MALT1: variants seen among roughly 807,000 people sequenced by gnomAD.
MALT1 encodes the protein mucosa-associated lymphoid tissue lymphoma translocation protein 1.
Under a neutral mutation model 85.5 loss-of-function variants are expected in MALT1, and 36 were observed. That is an observed-to-expected ratio of 0.42 (90% confidence interval 0.32 to 0.56). The LOEUF (loss-of-function observed/expected upper bound fraction) is 0.56, where lower values mean the gene tolerates loss of function less well. Ranked by LOEUF, MALT1 falls within the 20% of genes least tolerant of loss-of-function variation. The probability of loss-of-function intolerance (pLI) is 0.10; values close to 1 mark genes in which losing one functional copy is unlikely to be tolerated. For missense variants in MALT1, 716 were observed against 981.6 expected (o/e 0.73, Z 3.62); for synonymous variants, 359 against 361.3 (o/e 0.99, Z 0.07).
intron 15 of MALT1, 150 bp from the exon 16 acceptor site, chr18:58,745,516 T>G: frequency 1.7e-6 from 1 of 603,370 alleles, no homozygotes; most frequent in Non-Finnish European, 2.9e-6. Context: ...GTTTTCATTG[T>G]TTAGTCCTGG....
Position 58,747,682 on chromosome 18 carries a change from C to T in MALT1, c.2315C>T (p.Thr772Ile). Reference protein sequence around the residue: ...HSHPGNPSNVTPADSCHCSRT... With the variant: ...HSHPGNPSNVIPADSCHCSRT... ...CATCCTGGTAATCCAAGTAATGTTA[C>T]ACCAGCAGATAGCTGTCATTGCAGC... Residue 772 changes from threonine (T) to isoleucine (I), a missense_variant, in exon 17 of 17, where the codon ACA becomes ATA. This residue lies in a region of MALT1 where 260 missense variants were observed against 323.7 expected (regional missense o/e 0.80). Transcript: ENST00000649217. The T allele has an allele frequency of 6.2e-7, 1 of 1,614,208 alleles. No homozygotes were observed. Among genetic ancestry groups the T allele is most frequent in the South Asian group, 1.1e-5 (1 of 91,082 alleles).
rs2055466175 is a variant in MALT1, at chr18:58,752,907, A to G, written c.*5065A>G. 6.6e-6 allele frequency: 1 copy of G among 152,180 alleles called. No homozygotes were observed. The highest frequency in any genetic ancestry group is 1.5e-5 in the Non-Finnish European group (1 of 68,032). The allele number at this position is 152,180 out of a possible 1,614,324, so 9.4% of individuals were successfully genotyped here. On this transcript the variant is annotated 3_prime_UTR_variant, in exon 17 of 17. Transcript: ENST00000649217. ...TAGCATTAAAAATACTTAAGCATCA[A>G]AGTTTGGCTTTATGAAGAAGGAGTC...
intron 4 of MALT1, among the ~76,000 whole-genome samples, chr18:58,704,989 T>G (rs2054725258): frequency 6.8e-6 from 1 of 147,156 alleles, no homozygotes; most frequent in Admixed American, 6.7e-5. Context: ...CTTTTGATCC[T>G]CCTTTCCTGA....
chr18:58,734,646 C>A, intron 12 of MALT1: 1 of 350,310 alleles, frequency 2.9e-6, no homozygotes, highest in Non-Finnish European at 5.2e-6. Flanking sequence ...GACATGTAGG[C>A]ATAAATTTAC....
intron 2 of MALT1, among the ~76,000 whole-genome samples, chr18:58,684,214 G>A (rs573823042): frequency 7.9e-5 from 12 of 152,202 alleles, no homozygotes; most frequent in Non-Finnish European, 1.3e-4. Context: ...GATTACAGGC[G>A]GGAGCCACCG....
rs2144138591 is a variant in MALT1 at position 58,753,073 on chromosome 18, A to G, written c.*5231A>G. The G allele has an allele frequency of 6.6e-6, 1 of 152,354 alleles. No individual in the cohort carries two copies. Among genetic ancestry groups the G allele is most frequent in the East Asian group, 1.9e-4 (1 of 5,188 alleles). The allele number at this position is 152,354 out of a possible 1,614,324, so 9.4% of individuals were successfully genotyped here. On this transcript the variant is annotated 3_prime_UTR_variant, in exon 17 of 17. Coordinates refer to ENST00000649217, the MANE Select transcript of MALT1 (RefSeq NM_006785.4). Reference sequence around the variant, plus strand: ...TATAATACTTTCCAGAGCTGGCAGTACTAAATAAGACCATTCCTCTAAAGT... The same window carrying G: ...TATAATACTTTCCAGAGCTGGCAGTGCTAAATAAGACCATTCCTCTAAAGT...
intron 9 of MALT1, among the ~76,000 whole-genome samples, chr18:58,717,778 A>G (rs1010832044): frequency 2.7e-5 from 4 of 149,260 alleles, no homozygotes; most frequent in East Asian, 2.0e-4. Flanking sequence ...GAAACCTGCT[A>G]TGTTTCATTC....
chr18:58,672,018 T>C, intron 1 of MALT1, 166 bp downstream of exon 1: 1 of 422,044 alleles, frequency 2.4e-6, no homozygotes, highest in Non-Finnish European at 3.9e-6. Flanking sequence ...ACTCAGCAGC[T>C]CCCCGGAACG....
intron 7 of MALT1, among the ~76,000 whole-genome samples, chr18:58,711,706 T>C (rs1354117315): frequency 2.0e-5 from 3 of 152,234 alleles, no homozygotes; most frequent in Admixed American, 2.0e-4. Context: ...CTGCCTCTAT[T>C]ACATAAGCTT....
chr18:58,745,319 AGT>A (rs1230050079), intron 15 of MALT1, among the ~76,000 whole-genome samples: 2 of 152,206 alleles, frequency 1.3e-5, no homozygotes, highest in South Asian at 4.1e-4. Flanking sequence ...CCTTCCCAAA[AGT>A]GATGATTAAG....
intron 2 of MALT1, among the ~76,000 whole-genome samples, chr18:58,686,022 TTTG>T (rs751651589): frequency 7.9e-4 from 119 of 151,014 alleles, no homozygotes; most frequent in Non-Finnish European, 1.4e-3. Context: ...TTTTGTTTCT[TTTG>T]TTGTTGTTGT....
At position 58,749,116 on chromosome 18, in the gene MALT1, C is replaced by CAAAT. The variant is rs549046428; in HGVS notation, c.*1277_*1280dup. Reference sequence around the variant, plus strand: ...CAAGGTTGGTTCAACATCTAAAAATCAAATAAGCTAATATACAGTCAGTTC... The same window carrying CAAAT: ...CAAGGTTGGTTCAACATCTAAAAATCAAATAAATAAGCTAATATACAGTCAGTTC... On this transcript the variant is annotated 3_prime_UTR_variant, in exon 17 of 17. Transcript: ENST00000649217. 7.9e-4 allele frequency: 172 copies of CAAAT among 218,296 alleles called. 1 individual carries two copies. The East Asian group carries it at 9.9e-3, about 13-fold the overall frequency. The allele number at this position is 218,296 out of a possible 1,614,324, so 13.5% of individuals were successfully genotyped here. A position where few individuals can be genotyped will look rare whatever the true frequency, so the allele number is the denominator to read the frequency against.
chr18:58,699,523 T>C (rs2054641882), intron 3 of MALT1, among the ~76,000 whole-genome samples: 2 of 152,232 alleles, frequency 1.3e-5, no homozygotes, highest in Admixed American at 1.3e-4. Context: ...ATATCCCTTG[T>C]CTGAAATGCT....
chr18:58,745,612 A>C (rs2055355364), intron 15 of MALT1, 54 bp from the exon 16 acceptor site: 4 of 1,493,648 alleles, frequency 2.7e-6, no homozygotes, highest in Middle Eastern at 1.7e-4. Flanking sequence ...ACTAGATTAT[A>C]TTGTGGCTTT....
intron 13 of MALT1, among the ~76,000 whole-genome samples, chr18:58,739,808 T>C (rs200433751): frequency 4.0e-5 from 6 of 150,992 alleles, no homozygotes; most frequent in South Asian, 2.1e-4. Flanking sequence ...TGTACACACA[T>C]ACACACACAC....
At chr18:58,677,487 T>A (rs907610246) in intron 1 of MALT1, 5 of 152,196 alleles carry the variant, frequency 3.3e-5, no homozygotes, top group Non-Finnish European at 5.9e-5. Context: ...AAATTAGTAA[T>A]CCTTGTATTG....
chr18:58,746,766 C>T (rs781543676), intron 16 of MALT1, among the ~76,000 whole-genome samples: 28 of 151,540 alleles, frequency 1.8e-4, no homozygotes, highest in South Asian at 4.2e-4. Flanking sequence ...CTCTCTCTGT[C>T]GCCTAGGTTG....
At chr18:58,739,725 G>A (rs55653859) in intron 13 of MALT1, among the ~76,000 whole-genome samples, 1 of 151,930 alleles carries the variant, frequency 6.6e-6, no homozygotes, top group African/African-American at 2.4e-5. Flanking sequence ...CCTGCCTGCA[G>A]GTTTCAGACT....
chr18:58,747,946 AAAG>A lies in MALT1; in HGVS notation c.*107_*109del. On this transcript the variant is annotated 3_prime_UTR_variant, in exon 17 of 17. Transcript: ENST00000649217. ...AAAAGGCAAATTTGTATATGTAGAG[AAAG>A]AATAGTAGTAACTGTTTCATAGCAA... 7.4e-6 allele frequency: 6 copies of A among 810,962 alleles called. No homozygotes were observed. The South Asian group carries it at 1.0e-4, about 14-fold the overall frequency. The allele number at this position is 810,962 out of a possible 1,614,324, so 50.2% of individuals were successfully genotyped here. A position where few individuals can be genotyped will look rare whatever the true frequency, so the allele number is the denominator to read the frequency against.
Sources: allele counts gnomAD v4.1 joint callset (sites outside exome capture counted in the v4.1 genomes callset), GRCh38; gene constraint gnomAD v4.1.1; regional missense constraint gnomAD v4.1.1; transcripts MANE v1.5; gene names NCBI Gene and HGNC (gene_info 2026-07-23, HGNC 2026-07-21).